The following CANX variants were observed in gnomAD, a reference collection of about 807,000 sequenced individuals.
CANX encodes the protein calnexin, also known as epididymis secretory sperm binding protein.
Under a neutral mutation model 75.7 loss-of-function variants are expected in CANX, and 14 were observed. That is an observed-to-expected ratio of 0.19 (90% CI 0.12 to 0.29). CANX has a LOEUF of 0.29. CANX is among the 10% of genes least tolerant of loss of function. The probability of loss-of-function intolerance (pLI) is 1.00; values close to 1 mark genes in which losing one functional copy is unlikely to be tolerated. For synonymous variants in CANX, 227 were observed against 236.9 expected (o/e 0.96, Z 0.38); for missense variants, 567 against 713.2 (o/e 0.79, Z 2.34).
intron 7 of CANX, among the ~76,000 whole-genome samples, chr5:179,711,058 C>G (rs1011001959): frequency 4.0e-5 from 6 of 151,376 alleles, no homozygotes; most frequent in African/African-American, 1.2e-4. Flanking sequence ...TTCTGTACCC[C>G]CTCCACGAAA....
upstream of CANX, chr5:179,698,880 G>T: frequency 8.8e-7 from 1 of 1,135,492 alleles, no homozygotes; most frequent in East Asian, 7.4e-5. Context: ...TGCGCGGGAG[G>T]GCGGGACTTG....
chr5:179,686,305 C>T (rs147085318), intron 1 of CANX, among the ~76,000 whole-genome samples: 32,893 of 151,640 alleles, frequency 0.22, 4,272 homozygotes, highest in Non-Finnish European at 0.3. Flanking sequence ...ACCATGTTGG[C>T]CAGGCTGGTC....
upstream of CANX, chr5:179,694,532 C>T (rs922942100): frequency 1.4e-5 from 11 of 770,534 alleles, no homozygotes; most frequent in African/African-American, 1.5e-4. Flanking sequence ...CAAACCCTGG[C>T]ATCTCTATTG....
Position 179,719,648 on chromosome 5 carries a change from C to A in CANX, c.912-20C>A, listed in dbSNP as rs146103266. The A allele has an allele frequency of 2.9e-4, 410 of 1,433,738 alleles. 4 individuals are homozygous for A. The East Asian group carries it at 8.9e-3, about 31-fold the overall frequency. 88.8% of individuals were successfully genotyped at this position (1,433,738 alleles called of 1,614,324 possible). On this transcript the variant is annotated intron_variant, in intron 8 of 14. Transcript: ENST00000247461. The stretch of plus-strand genomic sequence containing the variant: ...CTGTGACCAGTGTTGTCATAACTGG[C>A]TTTTTCTTTTGTATTTAAGGGATGA...
chr5:179,690,038 A>C (rs1776273256), intron 1 of CANX, among the ~76,000 whole-genome samples: 1 of 152,204 alleles, frequency 6.6e-6, no homozygotes, highest in African/African-American at 2.4e-5. Flanking sequence ...GGAAAGGAGA[A>C]GAGCATCTGA....
intron 11 of CANX, chr5:179,723,356 A>G: frequency 2.4e-6 from 1 of 419,930 alleles, no homozygotes; most frequent in Non-Finnish European, 4.2e-6. Context: ...CATGTGGCCG[A>G]TTTAAGAATT....
intron 1 of CANX, chr5:179,680,906 T>C (rs1776047343): frequency 6.5e-7 from 1 of 1,536,866 alleles, no homozygotes; most frequent in South Asian, 1.2e-5. Context: ...AGATGGTCTC[T>C]GGAAGCCCAC....
intron 14 of CANX, among the ~76,000 whole-genome samples, chr5:179,728,135 G>GC (rs1473791750): frequency 6.6e-6 from 1 of 152,166 alleles, no homozygotes; most frequent in African/African-American, 2.4e-5. Context: ...TTAAAAAAAG[G>GC]GAATATTTTC....
At chr5:179,720,852 C>T (rs756201874) in intron 10 of CANX, among the ~76,000 whole-genome samples, 3 of 151,876 alleles carry the variant, frequency 2.0e-5, no homozygotes, top group Non-Finnish European at 2.9e-5. Context: ...GGTGTGATGT[C>T]GCCTCACTGC....
chr5:179,690,474 G>A (rs1776280945), intron 1 of CANX, among the ~76,000 whole-genome samples: 1 of 151,688 alleles, frequency 6.6e-6, no homozygotes, highest in Non-Finnish European at 1.5e-5. Context: ...TACTTGGGAG[G>A]CTGAGGCAGG....
intron 7 of CANX, among the ~76,000 whole-genome samples, chr5:179,714,230 A>T (rs1262922738): frequency 6.6e-6 from 1 of 152,000 alleles, no homozygotes; most frequent in Non-Finnish European, 1.5e-5. Flanking sequence ...CGAACTCCCA[A>T]CCTCAAATGA....
intron 1 of CANX, among the ~76,000 whole-genome samples, chr5:179,703,618 T>TAAAA (rs1776919374): frequency 6.6e-6 from 1 of 152,042 alleles, no homozygotes; most frequent in African/African-American, 2.4e-5. Context: ...TTTCTTTTTT[T>TAAAA]GATTTTTTGT....
In CANX at chr5:179,723,666, G is replaced by A. The variant is rs200863515; in HGVS notation, c.1405G>A (p.Val469Ile). The A allele has an allele frequency of 1.3e-4, 212 of 1,612,986 alleles. 1 individual carries two copies. The highest frequency in any genetic ancestry group is 1.2e-4 in the Non-Finnish European group (146 of 1,179,682). Residue 469 changes from valine to isoleucine, a missense_variant, in exon 12 of 15, where the codon GTT becomes ATT. Transcript: ENST00000247461. Reference sequence around the variant, plus strand: ...GCCCTGTCTTGTTTTTCAGCCAGGCGTTGTGGGGCAGATGATCGAGGCAGC... The same window carrying A: ...GCCCTGTCTTGTTTTTCAGCCAGGCATTGTGGGGCAGATGATCGAGGCAGC... ...KAADGAAEPG[V>I]VGQMIEAAEE... is the part of the protein sequence containing the mutation.
chr5:179,690,576 C>CAA (rs58874777), intron 1 of CANX, among the ~76,000 whole-genome samples: 59 of 59,810 alleles, frequency 9.9e-4, no homozygotes, highest in African/African-American at 3.3e-3. Context: ...GACTTCATCT[C>CAA]AAAAAAAAAA....
chr5:179,725,578 G>T (rs1778598845), intron 13 of CANX, among the ~76,000 whole-genome samples: 1 of 151,342 alleles, frequency 6.6e-6, no homozygotes, highest in South Asian at 2.1e-4. Flanking sequence ...TACTCAGGAG[G>T]CTGAGGCAGG....
chr5:179,706,356 T>A, intron 3 of CANX, 25 bp downstream of exon 3: 1 of 1,259,858 alleles, frequency 7.9e-7, no homozygotes, highest in South Asian at 1.3e-5. Context: ...GAGAAATATA[T>A]GTTAGAGGCA....
chr5:179,688,116 G>A (rs1776222568), intron 1 of CANX, among the ~76,000 whole-genome samples: 1 of 150,012 alleles, frequency 6.7e-6, no homozygotes, highest in Non-Finnish European at 1.5e-5. Flanking sequence ...GGAGTGCAGT[G>A]GCACGATCTC....
At chr5:179,693,538 G>A (rs892178533), upstream of CANX, among the ~76,000 whole-genome samples, 2 of 152,078 alleles carry the variant, frequency 1.3e-5, no homozygotes, top group Non-Finnish European at 2.9e-5. Flanking sequence ...GCCGGGTGAG[G>A]TGGCACATGC....
At chr5:179,720,184 C>G (rs1290613505) in intron 9 of CANX, among the ~76,000 whole-genome samples, 2 of 152,084 alleles carry the variant, frequency 1.3e-5, no homozygotes, top group Admixed American at 6.6e-5. Flanking sequence ...TAGCCAAGTT[C>G]CCTAATTTCA....
Sources: gnomAD v4.1 joint callset for allele counts (sites outside exome capture counted in the v4.1 genomes callset) on GRCh38, gnomAD v4.1.1 for gene constraint, MANE v1.5 for transcripts, NCBI Gene and HGNC (gene_info 2026-07-23, HGNC 2026-07-21) for gene names.